The following GRIK1 variants were observed in gnomAD, a reference collection of about 807,000 sequenced individuals.
GRIK1 encodes the protein glutamate receptor ionotropic, kainate 1.
GRIK1 carries 69 observed loss-of-function variants against 105.7 expected under a neutral mutation model. The observed-to-expected ratio is 0.65, with a 90% CI of 0.54 to 0.80. GRIK1 has a LOEUF of 0.80. Ranked by LOEUF, GRIK1 falls within the 30% of genes least tolerant of loss-of-function variation. The pLI is 0.00. For synonymous variants in GRIK1, 438 were observed against 431.3 expected, an observed-to-expected ratio of 1.02 and a Z score of -0.19; for missense variants, 1,109 against 1,167.3, an observed-to-expected ratio of 0.95 and a Z score of 0.73.
chr21:29,793,818 A>G (rs2066487996), intron 1 of GRIK1, among the ~76,000 whole-genome samples: 1 of 152,230 alleles, frequency 6.6e-6, no homozygotes, highest in South Asian at 2.1e-4. Context: ...TGCTTTAAAA[A>G]TGTATTTATA....
At chr21:29,627,375 T>C (rs1447225779) in intron 7 of GRIK1, among the ~76,000 whole-genome samples, 1 of 152,180 alleles carries the variant, frequency 6.6e-6, no homozygotes, top group Admixed American at 6.6e-5. Context: ...ATTTAAGTCA[T>C]GAGAGAAAAG....
At chr21:29,929,427 A>G (rs921245980) in intron 1 of GRIK1, among the ~76,000 whole-genome samples, 1 of 152,202 alleles carries the variant, frequency 6.6e-6, no homozygotes, top group African/African-American at 2.4e-5. Context: ...AAACCAATAA[A>G]CTTCCCTTTT....
At chr21:29,903,591 C>G (rs2070493385) in intron 1 of GRIK1, among the ~76,000 whole-genome samples, 2 of 152,178 alleles carry the variant, frequency 1.3e-5, no homozygotes, top group African/African-American at 4.8e-5. Context: ...GATACCATCT[C>G]ACACCAATTA....
At chr21:29,540,823 CA>C (rs2089956346) in intron 16 of GRIK1, among the ~76,000 whole-genome samples, 1 of 152,142 alleles carries the variant, frequency 6.6e-6, no homozygotes, top group South Asian at 2.1e-4. Flanking sequence ...CTGCCTTACT[CA>C]AGACGTACTG....
At chr21:29,869,019 A>T (rs184250573) in intron 1 of GRIK1, among the ~76,000 whole-genome samples, 70 of 152,372 alleles carry the variant, frequency 4.6e-4, no homozygotes, top group African/African-American at 1.7e-3. Flanking sequence ...CCTGGCATAC[A>T]GTTTTCATCA....
chr21:29,850,116 G>A (rs1204597426), intron 1 of GRIK1, among the ~76,000 whole-genome samples: 1 of 152,118 alleles, frequency 6.6e-6, no homozygotes, highest in Non-Finnish European at 1.5e-5. Context: ...ACTTTCAGAA[G>A]GATCATGATA....
At chr21:29,887,017 T>C (rs2146204018) in intron 1 of GRIK1, among the ~76,000 whole-genome samples, 1 of 152,310 alleles carries the variant, frequency 6.6e-6, no homozygotes, top group South Asian at 2.1e-4. Flanking sequence ...CTTTAGTCTT[T>C]CTTCTCATTT....
At chr21:29,747,544 G>C (rs2065076441) in intron 1 of GRIK1, among the ~76,000 whole-genome samples, 1 of 152,066 alleles carries the variant, frequency 6.6e-6, no homozygotes, top group Non-Finnish European at 1.5e-5. Flanking sequence ...AGAATAGAAA[G>C]CATGGGCCAG....
intron 1 of GRIK1, among the ~76,000 whole-genome samples, chr21:29,935,195 T>C (rs767803224): frequency 7.9e-5 from 12 of 152,168 alleles, no homozygotes; most frequent in Non-Finnish European, 1.6e-4. Context: ...ACTGATGTAA[T>C]AGATCAGTGG....
intron 7 of GRIK1, among the ~76,000 whole-genome samples, chr21:29,612,333 G>A (rs762020444): frequency 2.6e-5 from 4 of 152,116 alleles, no homozygotes; most frequent in Non-Finnish European, 5.9e-5. Flanking sequence ...GTCCCAGGAC[G>A]GTTTTACCTT....
At chr21:29,540,043 C>T (rs879900960) in intron 16 of GRIK1, among the ~76,000 whole-genome samples, 1 of 152,176 alleles carries the variant, frequency 6.6e-6, no homozygotes, top group Non-Finnish European at 1.5e-5. Flanking sequence ...TGATTTTAGG[C>T]ATGTCACTTC....
At chr21:29,823,683 G>A (rs944661892) in intron 1 of GRIK1, among the ~76,000 whole-genome samples, 1 of 151,876 alleles carries the variant, frequency 6.6e-6, no homozygotes, top group Non-Finnish European at 1.5e-5. Context: ...CAACCATGCT[G>A]TAAGATTTAA....
intron 1 of GRIK1, among the ~76,000 whole-genome samples, chr21:29,802,977 A>G (rs1484061825): frequency 1.3e-5 from 2 of 152,118 alleles, no homozygotes; most frequent in African/African-American, 4.8e-5. Flanking sequence ...TATAGATATG[A>G]AGGTTTCTTA....
chr21:29,789,066 T>G (rs2066340324), intron 1 of GRIK1, among the ~76,000 whole-genome samples: 2 of 152,254 alleles, frequency 1.3e-5, no homozygotes, highest in South Asian at 4.1e-4. Flanking sequence ...GGAAAGCCAT[T>G]GGAAGTGGCT....
At chr21:29,652,760 C>G (rs766901357) in intron 5 of GRIK1, among the ~76,000 whole-genome samples, 2 of 152,168 alleles carry the variant, frequency 1.3e-5, no homozygotes, top group Non-Finnish European at 2.9e-5. Context: ...ATAAAAGTTT[C>G]TTAACAATGC....
chr21:29,725,177 C>G lies in GRIK1; in HGVS notation c.119-31114G>C, dbSNP rs185398548. 1.2e-4 allele frequency among the ~76,000 whole-genome samples: 19 copies of G among 152,268 alleles called. No individual in the cohort carries two copies. The East Asian group carries it at 3.1e-3, about 25-fold the overall frequency. On this transcript the variant is annotated intron_variant, in intron 1 of 17. Transcript: ENST00000327783. Reference sequence around the variant, plus strand: ...CGAACAAGGTCACCATCTTCAACAGCATTTCAGTAAGAAATAACCAAAACC... The same window carrying G: ...CGAACAAGGTCACCATCTTCAACAGGATTTCAGTAAGAAATAACCAAAACC...
chr21:29,814,590 TCTTC>T (rs1292062874), intron 1 of GRIK1, among the ~76,000 whole-genome samples: 1 of 150,550 alleles, frequency 6.6e-6, no homozygotes, highest in East Asian at 1.9e-4. Flanking sequence ...ATCAAATGCT[TCTTC>T]CTTCTGCCTC....
rs1601537725 is a variant in GRIK1, at chr21:29,725,041, A to T, written c.119-30978T>A. Among the ~76,000 whole-genome samples the T allele has an allele frequency of 3.3e-5, 5 of 149,640 alleles. No homozygotes were observed. In the South Asian group the frequency reaches 1.1e-3, roughly 32 times the overall value. The stretch of plus-strand genomic sequence containing the variant: ...AAAAAAAAAAAGAAACTCTACTGCC[A>T]CATGGGATGTTTAAAATTATTAATT... On this transcript the variant is annotated intron_variant, in intron 1 of 17. Transcript: ENST00000327783.
At chr21:29,605,095 C>T (rs1477071409) in intron 7 of GRIK1, among the ~76,000 whole-genome samples, 4 of 151,846 alleles carry the variant, frequency 2.6e-5, no homozygotes, top group Admixed American at 1.3e-4. Flanking sequence ...GGTACATGTG[C>T]GGATATGCAG....
Sources: allele counts gnomAD v4.1 joint callset (sites outside exome capture counted in the v4.1 genomes callset), GRCh38; gene constraint gnomAD v4.1.1; transcripts MANE v1.5; gene names NCBI Gene and HGNC (gene_info 2026-07-23, HGNC 2026-07-21).